CNTN5: variants seen among roughly 807,000 people sequenced by gnomAD.
The protein encoded by CNTN5 is contactin-5.
A neutral mutation model predicts 129.1 loss-of-function variants in CNTN5; 77 were observed. The ratio of observed to expected loss-of-function variants is 0.60; its 90% CI spans 0.50 to 0.72. The LOEUF (loss-of-function observed/expected upper bound fraction) is 0.72. Ranked by LOEUF, CNTN5 falls within the 30% of genes least tolerant of loss-of-function variation. The pLI is 0.00. For synonymous variants in CNTN5, 509 were observed against 465.6 expected, an observed-to-expected ratio of 1.09 and a Z score of -1.20; for missense variants, 1,478 against 1,328.8, an observed-to-expected ratio of 1.11 and a Z score of -1.75.
chr11:99,736,775 A>G (rs1405201718), intron 3 of CNTN5, among the ~76,000 whole-genome samples: 2 of 152,218 alleles, frequency 1.3e-5, no homozygotes, highest in East Asian at 3.9e-4. Flanking sequence ...TCTATAAAAT[A>G]GAGACAATAC....
intron 2 of CNTN5, among the ~76,000 whole-genome samples, chr11:99,505,543 A>T (rs1316897507): frequency 2.6e-5 from 4 of 152,232 alleles, no homozygotes; most frequent in Admixed American, 1.3e-4. Flanking sequence ...AGGCCCAAAT[A>T]GCAATGTTAG....
chr11:99,033,656 A>C (rs2135102485), intron 1 of CNTN5, among the ~76,000 whole-genome samples: 1 of 150,978 alleles, frequency 6.6e-6, no homozygotes, highest in Admixed American at 6.6e-5. Context: ...TATCAGCTTA[A>C]GGAGATTTTG....
chr11:99,753,691 C>CT (rs370112097), intron 3 of CNTN5, among the ~76,000 whole-genome samples: 27,230 of 113,064 alleles, frequency 0.24, 4,035 homozygotes, highest in Non-Finnish European at 0.33. Flanking sequence ...AAATCACTTC[C>CT]TTTTTTTTTT....
chr11:99,238,671 C>T (rs1027944070), intron 1 of CNTN5, among the ~76,000 whole-genome samples: 1 of 151,932 alleles, frequency 6.6e-6, no homozygotes, highest in African/African-American at 2.4e-5. Context: ...TATTTTTTGT[C>T]AAAATTTTCA....
At chr11:99,694,639 A>G (rs990133671) in intron 3 of CNTN5, among the ~76,000 whole-genome samples, 1 of 152,016 alleles carries the variant, frequency 6.6e-6, no homozygotes, top group African/African-American at 2.4e-5. Context: ...CATCTACATT[A>G]GGTATTTCTC....
intron 2 of CNTN5, among the ~76,000 whole-genome samples, chr11:99,342,528 A>G (rs1392614768): frequency 1.4e-5 from 2 of 140,484 alleles, no homozygotes; most frequent in East Asian, 4.4e-4. Flanking sequence ...TGAGTCCAGG[A>G]GTTCAAAATC....
intron 1 of CNTN5, among the ~76,000 whole-genome samples, chr11:99,319,612 T>A (rs923200714): frequency 6.6e-6 from 1 of 152,224 alleles, no homozygotes; most frequent in African/African-American, 2.4e-5. Context: ...TATCACATAA[T>A]GGAGACTCAA....
chr11:100,224,452 A>C (rs2138628513), intron 15 of CNTN5, among the ~76,000 whole-genome samples: 1 of 152,270 alleles, frequency 6.6e-6, no homozygotes, highest in African/African-American at 2.4e-5. Context: ...ATTTTTAAAT[A>C]TCTTAGCTGC....
chr11:100,325,637 C>G (rs914055041), intron 21 of CNTN5, among the ~76,000 whole-genome samples: 1 of 152,168 alleles, frequency 6.6e-6, no homozygotes, highest in Non-Finnish European at 1.5e-5. Context: ...TGGTTTTCAG[C>G]CCAAACCTGG....
At chr11:100,070,585 T>C (rs774257807) in intron 11 of CNTN5, 25 bp downstream of exon 11, 2 of 1,610,874 alleles carry the variant, frequency 1.2e-6, no homozygotes, top group Non-Finnish European at 1.7e-6. Context: ...TATTAACCTG[T>C]TCTGCTGTAA....
At chr11:100,247,953 A>G (rs1949882498) in intron 16 of CNTN5, among the ~76,000 whole-genome samples, 1 of 152,072 alleles carries the variant, frequency 6.6e-6, no homozygotes, top group Admixed American at 6.5e-5. Context: ...TCTCTGCATT[A>G]ATCTAATCTT....
chr11:100,207,894 G>T (rs1348775387), intron 15 of CNTN5, among the ~76,000 whole-genome samples: 1 of 152,078 alleles, frequency 6.6e-6, no homozygotes, highest in African/African-American at 2.4e-5. Context: ...CATTTGCTTT[G>T]TAAAATAATC....
intron 15 of CNTN5, among the ~76,000 whole-genome samples, chr11:100,210,972 T>C (rs145151797): frequency 6.6e-6 from 1 of 152,246 alleles, no homozygotes; most frequent in East Asian, 1.9e-4. Flanking sequence ...GTTGACACAT[T>C]GTACAATGTG....
At chr11:100,160,547 G>T (rs1947413130) in intron 13 of CNTN5, among the ~76,000 whole-genome samples, 2 of 151,906 alleles carry the variant, frequency 1.3e-5, no homozygotes, top group South Asian at 4.1e-4. Flanking sequence ...AGAAGAGAGT[G>T]AAAGAGTGAG....
intron 1 of CNTN5, among the ~76,000 whole-genome samples, chr11:99,073,644 G>A (rs892033123): frequency 5.3e-5 from 8 of 151,840 alleles, no homozygotes; most frequent in African/African-American, 1.7e-4. Flanking sequence ...GTGAAAACAC[G>A]CGGTGTTTGG....
Position 99,633,069 on chromosome 11 carries a change from A to C in CNTN5, c.55+76800A>C, listed in dbSNP as rs574342350. Reference sequence around the variant, plus strand: ...GGACTGTAAAAGTATGAGTCAGGTCATGGTGAAATGGGGAATCAGCTCCCA... The same window carrying C: ...GGACTGTAAAAGTATGAGTCAGGTCCTGGTGAAATGGGGAATCAGCTCCCA... On this transcript the variant is annotated intron_variant, in intron 3 of 24. Coordinates refer to ENST00000524871, the MANE Select transcript of CNTN5 (RefSeq NM_014361.4). Among the ~76,000 whole-genome samples the C allele has an allele frequency of 9.2e-5, 14 of 152,274 alleles. No homozygotes were observed. In the East Asian group the frequency reaches 2.7e-3, roughly 29 times the overall value.
chr11:100,172,023 T>A (rs1947842542), intron 13 of CNTN5, among the ~76,000 whole-genome samples: 2 of 152,042 alleles, frequency 1.3e-5, no homozygotes, highest in South Asian at 4.1e-4. Flanking sequence ...CATACTGTAG[T>A]ACCATATGTA....
At chr11:100,132,934 A>C in intron 13 of CNTN5, among the ~76,000 whole-genome samples, 1 of 152,200 alleles carries the variant, frequency 6.6e-6, no homozygotes, top group South Asian at 2.1e-4. Flanking sequence ...AAGGCAACTC[A>C]TATTTTCTAT....
At chr11:100,355,768 C>T (rs905490076) in intron 24 of CNTN5, among the ~76,000 whole-genome samples, 6 of 151,648 alleles carry the variant, frequency 4.0e-5, no homozygotes, top group African/African-American at 9.7e-5. Flanking sequence ...CATATTGCCA[C>T]AAATTTTGTA....
Sources: gnomAD v4.1 joint callset for allele counts (sites outside exome capture counted in the v4.1 genomes callset) on GRCh38, gnomAD v4.1.1 for gene constraint, MANE v1.5 for transcripts, NCBI Gene and HGNC (gene_info 2026-07-23, HGNC 2026-07-21) for gene names.